The following SLC16A7 variants were observed in gnomAD, a reference collection of about 807,000 sequenced individuals.
SLC16A7 encodes solute carrier family 16 member 7.
SLC16A7 carries 33 observed loss-of-function variants against 34.9 expected under a neutral mutation model. That is an observed-to-expected ratio of 0.94 (90% CI 0.72 to 1.26). The LOEUF (loss-of-function observed/expected upper bound fraction) is 1.26. Ranked by LOEUF, SLC16A7 falls within the 50% of genes most tolerant of loss-of-function variation. The pLI, the probability that SLC16A7 is intolerant of heterozygous loss-of-function variation, is 0.00. For synonymous variants in SLC16A7, 201 were observed against 206.6 expected (o/e 0.97, Z 0.23); for missense variants, 573 against 578.1 (o/e 0.99, Z 0.09).
chr12:59,765,518 A>G (rs1269705912), intron 3 of SLC16A7, among the ~76,000 whole-genome samples: 1 of 152,320 alleles, frequency 6.6e-6, no homozygotes, highest in African/African-American at 2.4e-5. Flanking sequence ...TATAAGATGT[A>G]AGGAAGGGAT....
intron 1 of SLC16A7, among the ~76,000 whole-genome samples, chr12:59,604,373 A>G (rs1000989912): frequency 6.6e-6 from 1 of 152,236 alleles, no homozygotes; most frequent in African/African-American, 2.4e-5. Context: ...GATGATAGGA[A>G]AGCTCACTTT....
At chr12:59,736,895 A>G (rs572702068) in intron 3 of SLC16A7, among the ~76,000 whole-genome samples, 1 of 152,266 alleles carries the variant, frequency 6.6e-6, no homozygotes, top group East Asian at 1.9e-4. Flanking sequence ...CTGCTTTTCC[A>G]AGATATTTCC....
rs137884310 is a variant in SLC16A7 at position 59,660,302 on chromosome 12, G to C, written c.-31+5052G>C. ...AGGTCCACGTCTTCCATCTGCTGCT[G>C]AGGAGAACACCAAGAAAGTCTAGTC... On this transcript the variant is annotated intron_variant, in intron 2 of 5. Transcript: ENST00000547379. Among the ~76,000 whole-genome samples, 239 of 152,098 alleles carry C rather than the reference G, an allele frequency of 1.6e-3. 1 individual carries two copies. The highest frequency in any genetic ancestry group is 2.8e-3 in the Non-Finnish European group (192 of 67,978).
At chr12:59,610,016 G>C (rs867621343) in intron 1 of SLC16A7, among the ~76,000 whole-genome samples, 1 of 152,092 alleles carries the variant, frequency 6.6e-6, no homozygotes, top group African/African-American at 2.4e-5. Context: ...CCTGGGCATT[G>C]CTATCTCCAA....
chr12:59,729,551 T>C lies in SLC16A7; in HGVS notation c.217+24533T>C, dbSNP rs1440741093. Among the ~76,000 whole-genome samples the C allele has an allele frequency of 8.5e-5, 13 of 152,324 alleles. No homozygotes were observed. In the South Asian group the frequency reaches 2.7e-3, roughly 32 times the overall value. The stretch of plus-strand genomic sequence containing the variant: ...ATCCTTTCATTGCACCTGTGTAAAC[T>C]AAAGCCTTTTATGGTTCATCTTTCT... On this transcript the variant is annotated intron_variant, in intron 3 of 5. Coordinates refer to ENST00000547379, the MANE Select transcript of SLC16A7 (RefSeq NM_001270623.2).
chr12:59,762,367 C>T (rs746296463), intron 3 of SLC16A7, among the ~76,000 whole-genome samples: 3 of 152,120 alleles, frequency 2.0e-5, no homozygotes, highest in African/African-American at 2.4e-5. Flanking sequence ...TTCATAAGTA[C>T]GTTTCTATTA....
At chr12:59,738,662 C>G (rs1051957553) in intron 3 of SLC16A7, among the ~76,000 whole-genome samples, 6 of 152,002 alleles carry the variant, frequency 3.9e-5, no homozygotes, top group Non-Finnish European at 7.4e-5. Context: ...TAGTATTGAC[C>G]CACAGATGAG....
At chr12:59,681,288 T>G (rs1162085280) in intron 2 of SLC16A7, among the ~76,000 whole-genome samples, 1 of 152,200 alleles carries the variant, frequency 6.6e-6, no homozygotes, top group Non-Finnish European at 1.5e-5. Context: ...TGTTTATTGT[T>G]TTACTCCCTC....
chr12:59,706,349 C>A (rs770771081), intron 3 of SLC16A7, among the ~76,000 whole-genome samples: 2 of 141,494 alleles, frequency 1.4e-5, no homozygotes, highest in East Asian at 4.1e-4. Context: ...ACAGTTGATC[C>A]TGAAATAATT....
At chr12:59,749,890 T>A (rs1879315520) in intron 3 of SLC16A7, among the ~76,000 whole-genome samples, 1 of 152,160 alleles carries the variant, frequency 6.6e-6, no homozygotes, top group Non-Finnish European at 1.5e-5. Flanking sequence ...AGAAGCTGAC[T>A]TGATGGAGAT....
intron 2 of SLC16A7, among the ~76,000 whole-genome samples, chr12:59,672,758 A>C (rs1389316419): frequency 6.6e-6 from 1 of 152,174 alleles, no homozygotes; most frequent in Non-Finnish European, 1.5e-5. Context: ...ATAGCAAATA[A>C]TCAAATCTAA....
chr12:59,625,322 C>G (rs563249735), intron 1 of SLC16A7, among the ~76,000 whole-genome samples: 4 of 151,826 alleles, frequency 2.6e-5, no homozygotes, highest in Non-Finnish European at 5.9e-5. Context: ...TCAACTGATG[C>G]AGTCTCTCTG....
chr12:59,689,832 A>G (rs1871439034), intron 2 of SLC16A7, among the ~76,000 whole-genome samples: 2 of 151,900 alleles, frequency 1.3e-5, no homozygotes, highest in African/African-American at 4.8e-5. Flanking sequence ...TTTTTTTCCT[A>G]AGTTGAAAGG....
Position 59,789,562 on chromosome 12 carries a change from C to T in SLC16A7, c.*9883C>T, listed in dbSNP as rs562418166. ...TGACCTTGATCATAAGTGCTTCTAT[C>T]TGCTGAGCTTTATTTATTGTTTTTG... On this transcript the variant is annotated 3_prime_UTR_variant, in exon 6 of 6. Coordinates refer to ENST00000547379, the MANE Select transcript of SLC16A7 (RefSeq NM_001270623.2). 1 of 152,114 alleles carries T rather than the reference C, an allele frequency of 6.6e-6. No individual in the cohort carries two copies. The highest frequency in any genetic ancestry group is 2.1e-4 in the South Asian group (1 of 4,834). 9.4% of individuals were successfully genotyped at this position (152,114 alleles called of 1,614,324 possible). A position where few individuals can be genotyped will look rare whatever the true frequency, so the allele number is the denominator to read the frequency against.
Position 59,775,069 on chromosome 12 carries a change from C to T in SLC16A7, c.774C>T (p.Phe258=), listed in dbSNP as rs1424070535. The T allele has an allele frequency of 6.2e-7, 1 of 1,613,900 alleles. No individual in the cohort carries two copies. Among genetic ancestry groups the T allele is most frequent in the Non-Finnish European group, 8.5e-7 (1 of 1,179,986 alleles). Residue 258 remains phenylalanine, a synonymous_variant, in exon 5 of 6, where the codon TTC becomes TTT. Coordinates refer to ENST00000547379, the MANE Select transcript of SLC16A7 (RefSeq NM_001270623.2). ...LIYLSGNVIM[F]LGFFAPIIFL... ...ATCTGTCTGGAAATGTCATTATGTT[C>T]CTAGGTTTTTTTGCCCCCATTATAT... is the stretch of plus-strand genomic sequence containing the variant.
chr12:59,757,461 G>A (rs1258611846), intron 3 of SLC16A7, among the ~76,000 whole-genome samples: 1 of 151,872 alleles, frequency 6.6e-6, no homozygotes, highest in Non-Finnish European at 1.5e-5. Flanking sequence ...TCTGACAGAG[G>A]GTTCTAATTA....
chr12:59,745,324 G>A (rs1208139813), intron 3 of SLC16A7, among the ~76,000 whole-genome samples: 1 of 152,194 alleles, frequency 6.6e-6, no homozygotes, highest in African/African-American at 2.4e-5. Context: ...GCAAAAGAAT[G>A]AGGTCATTGT....
intron 2 of SLC16A7, among the ~76,000 whole-genome samples, chr12:59,703,211 A>AT (rs1873098889): frequency 6.6e-6 from 1 of 152,024 alleles, no homozygotes; most frequent in South Asian, 2.1e-4. Flanking sequence ...CCAAAGCCAT[A>AT]TTTTATATGT....
intron 3 of SLC16A7, among the ~76,000 whole-genome samples, chr12:59,705,891 A>G (rs945374320): frequency 1.3e-5 from 2 of 152,176 alleles, no homozygotes; most frequent in Non-Finnish European, 2.9e-5. Context: ...TTTTTCAAGT[A>G]AGGATAATAT....
Sources: allele counts gnomAD v4.1 joint callset (sites outside exome capture counted in the v4.1 genomes callset), GRCh38; gene constraint gnomAD v4.1.1; transcripts MANE v1.5; gene names NCBI Gene and HGNC (gene_info 2026-07-23, HGNC 2026-07-21).